The following ARHGEF18 variants were observed in gnomAD, a reference collection of about 807,000 sequenced individuals.
The protein encoded by ARHGEF18 is Rho/Rac guanine nucleotide exchange factor 18.
ARHGEF18 carries 93 observed loss-of-function variants against 155.7 expected under a neutral mutation model. That is an observed-to-expected ratio of 0.60 (90% confidence interval 0.50 to 0.71). ARHGEF18 has a LOEUF of 0.71. ARHGEF18 is among the 30% of genes least tolerant of loss of function. The pLI, the probability that ARHGEF18 is intolerant of heterozygous loss-of-function variation, is 0.00. For synonymous variants in ARHGEF18, 742 were observed against 753.1 expected, an observed-to-expected ratio of 0.99 and a Z score of 0.24; for missense variants, 1,593 against 1,816.1, an observed-to-expected ratio of 0.88 and a Z score of 2.23.
intron 20 of ARHGEF18, among the ~76,000 whole-genome samples, chr19:7,460,426 C>G (rs987354066): frequency 6.6e-6 from 1 of 152,174 alleles, no homozygotes; most frequent in Admixed American, 6.5e-5. Context: ...ACAGCACTCA[C>G]CCTCCCAAGC....
chr19:7,374,593 G>A (rs528049823), intron 3 of ARHGEF18, among the ~76,000 whole-genome samples: 1 of 151,912 alleles, frequency 6.6e-6, no homozygotes, highest in South Asian at 2.1e-4. Context: ...CCCGAGAATC[G>A]CTTGAACCCA....
At chr19:7,354,214 G>A (rs1283746211) in intron 1 of ARHGEF18, among the ~76,000 whole-genome samples, 1 of 152,176 alleles carries the variant, frequency 6.6e-6, no homozygotes, top group African/African-American at 2.4e-5. Flanking sequence ...CTACTCAGGA[G>A]TCTGAGGCAA....
downstream of ARHGEF18, among the ~76,000 whole-genome samples, chr19:7,475,190 C>T (rs1977199982): frequency 1.3e-5 from 2 of 152,180 alleles, no homozygotes; most frequent in South Asian, 4.1e-4. Context: ...CGAGATCGCG[C>T]CACCGCACTC....
intron 19 of ARHGEF18, 34 bp downstream of exon 19, chr19:7,458,724 T>C (rs750350171): frequency 6.3e-7 from 1 of 1,582,974 alleles, no homozygotes; most frequent in Non-Finnish European, 8.6e-7. Context: ...CCACCCACTG[T>C]GTTCCTTCCG....
chr19:7,380,795 T>A, intron 7 of ARHGEF18, 122 bp from the exon 8 acceptor site: 1 of 480,898 alleles, frequency 2.1e-6, no homozygotes, highest in Non-Finnish European at 3.3e-6. Flanking sequence ...AAGCCCAGAG[T>A]GTCAAGGACA....
chr19:7,362,109 G>T, intron 1 of ARHGEF18, among the ~76,000 whole-genome samples: 3 of 25,900 alleles, frequency 1.2e-4, no homozygotes, highest in African/African-American at 1.1e-3. Flanking sequence ...AGGAGAAGGA[G>T]AAGGAGAAGG....
chr19:7,460,064 ACAGAGGGTGAACTGCCCCC>A, intron 20 of ARHGEF18, 70 bp downstream of exon 20: 1 of 1,449,658 alleles, frequency 6.9e-7, no homozygotes, highest in Non-Finnish European at 9.4e-7. Flanking sequence ...AGGACTGGCC[ACAGAGGGTGAACTGCCCCC>A]CAGGTGACCC....
chr19:7,412,310 C>T (rs908215043), intron 10 of ARHGEF18, among the ~76,000 whole-genome samples: 21 of 115,934 alleles, frequency 1.8e-4, no homozygotes, highest in Non-Finnish European at 2.9e-4. Flanking sequence ...CCACCGCGCC[C>T]GGCCTATGCT....
chr19:7,477,340 C>A, downstream of ARHGEF18: 1 of 1,560,284 alleles, frequency 6.4e-7, no homozygotes, highest in Non-Finnish European at 8.7e-7. Context: ...GCAGCCAGTG[C>A]ACGGCGTTGG....
At chr19:7,390,524 AG>A (rs374022728) in intron 10 of ARHGEF18, 207 of 134,572 alleles carry the variant, frequency 1.5e-3, no homozygotes, top group Non-Finnish European at 2.6e-3. Flanking sequence ...AAAAAAAAAA[AG>A]AAAAAAGAAA....
At chr19:7,457,353 C>CATTTTTT (rs1975902093) in intron 18 of ARHGEF18, among the ~76,000 whole-genome samples, 1 of 60,216 alleles carries the variant, frequency 1.7e-5, no homozygotes, top group African/African-American at 8.1e-5. Flanking sequence ...AATCACCTCT[C>CATTTTTT]TTTTTTTTTT....
In ARHGEF18 at chr19:7,362,044, A is replaced by G. The variant is rs371031181; in HGVS notation, c.-110-737A>G. 3.5e-3 allele frequency among the ~76,000 whole-genome samples: 145 copies of G among 41,338 alleles called. 4 individuals are homozygous for G. The highest frequency in any genetic ancestry group is 0.025 in the East Asian group (32 of 1,278). The allele number at this position is 41,338 out of a possible 152,430, so 27.1% of individuals were successfully genotyped here. ...GAAGGAGAAGGAGAAGGAGAAGGAG[A>G]AGGAGAAGGAGAAGGAGAAGGAGAA... On this transcript the variant is annotated intron_variant, in intron 1 of 28. Transcript: ENST00000668164.
At chr19:7,391,776 GA>G (rs1971413408) in intron 10 of ARHGEF18, among the ~76,000 whole-genome samples, 2 of 151,896 alleles carry the variant, frequency 1.3e-5, no homozygotes, top group African/African-American at 4.8e-5. Context: ...CTAGGAGGTA[GA>G]GACCAGGGAT....
intron 15 of ARHGEF18, among the ~76,000 whole-genome samples, chr19:7,448,625 C>G (rs952692583): frequency 6.6e-6 from 1 of 151,478 alleles, no homozygotes; most frequent in Non-Finnish European, 1.5e-5. Flanking sequence ...CGCACCACTG[C>G]ACTCCAGCCT....
chr19:7,376,588 C>T (rs950671688), intron 4 of ARHGEF18, 55 bp from the exon 5 acceptor site: 1 of 1,166,964 alleles, frequency 8.6e-7, no homozygotes, highest in Non-Finnish European at 1.1e-6. Context: ...TCCAGGGAAC[C>T]TGCCTGCAGT....
intron 10 of ARHGEF18, among the ~76,000 whole-genome samples, chr19:7,390,927 C>G (rs969647851): frequency 6.6e-6 from 1 of 152,032 alleles, no homozygotes; most frequent in Admixed American, 6.6e-5. Context: ...GTAGTCCCAG[C>G]TACTTGGGAG....
At chr19:7,447,244 A>C in intron 15 of ARHGEF18, 76 bp downstream of exon 15, 9 of 1,406,664 alleles carry the variant, frequency 6.4e-6, no homozygotes, top group Non-Finnish European at 7.7e-6. Flanking sequence ...TAATCCCAGC[A>C]CTTTGGGAGT....
In ARHGEF18 at chr19:7,401,104, C is replaced by T. The variant is rs559698545; in HGVS notation, c.967+17901C>T. Among the ~76,000 whole-genome samples, 8 of 152,202 alleles carry T rather than the reference C, an allele frequency of 5.3e-5. No homozygotes were observed. The South Asian group carries it at 8.3e-4, about 16-fold the overall frequency. ...ATTACTGGACTCATTAGTTCCCTTA[C>T]GGGGGTGAAATGGATAGTGACGGAC... On this transcript the variant is annotated intron_variant, in intron 10 of 28. Coordinates refer to ENST00000668164, the MANE Select transcript of ARHGEF18 (RefSeq NM_001367823.1).
At chr19:7,378,197 C>G (rs752290976) in intron 5 of ARHGEF18, among the ~76,000 whole-genome samples, 197 bp from the exon 6 acceptor site, 14 of 152,172 alleles carry the variant, frequency 9.2e-5, no homozygotes, top group Non-Finnish European at 1.9e-4. Flanking sequence ...TAAGCACTCA[C>G]GAGACACTGG....
Sources: allele counts gnomAD v4.1 joint callset (sites outside exome capture counted in the v4.1 genomes callset), GRCh38; gene constraint gnomAD v4.1.1; transcripts MANE v1.5; gene names NCBI Gene and HGNC (gene_info 2026-07-23, HGNC 2026-07-21).